The following KANSL1 variants were observed in gnomAD, a reference collection of about 807,000 sequenced individuals.
KANSL1 encodes MLL1/MLL complex subunit KANSL1.
Under a neutral mutation model 103.6 loss-of-function variants are expected in KANSL1, and 22 were observed. That is an observed-to-expected ratio of 0.21 (90% CI 0.15 to 0.30). The LOEUF (loss-of-function observed/expected upper bound fraction) is 0.30. Ranked by LOEUF, KANSL1 falls within the 10% of genes least tolerant of loss-of-function variation. KANSL1 has a pLI of 1.00. For synonymous variants in KANSL1, 600 were observed against 527.6 expected (o/e 1.14, Z -1.88); for missense variants, 1,337 against 1,399.8 (o/e 0.96, Z 0.72).
rs369472164 is a variant in KANSL1, at chr17:46,066,576, C to G, written c.1809G>C (p.Arg603Ser). 10 of 1,613,734 alleles carry G rather than the reference C, an allele frequency of 6.2e-6. No individual in the cohort carries two copies. The highest frequency in any genetic ancestry group is 8.5e-6 in the Non-Finnish European group (10 of 1,179,762). Residue 603 changes from arginine to serine, a missense_variant, in exon 6 of 15, where the codon AGG (arginine) becomes AGC (serine). Around this residue, in one of 2 missense-constraint regions of KANSL1, gnomAD observed 780 missense variants for 923.4 expected, o/e 0.84. Coordinates refer to ENST00000432791, the MANE Select transcript of KANSL1 (RefSeq NM_015443.4). ...TRPVLSCKKR[R>S]LVRPNSIVPL... ...GAACGATGCTGTTGGGTCGAACAAGCCTCCGCTTCTTACAGCTCAGTACAG... is the reference window on the plus strand; with the variant it reads ...GAACGATGCTGTTGGGTCGAACAAGGCTCCGCTTCTTACAGCTCAGTACAG...
rs1218242479 is a variant in KANSL1 at position 46,171,842 on chromosome 17, A to G, written c.302T>C (p.Val101Ala). 1.2e-6 allele frequency: 2 copies of G among 1,614,114 alleles called. No individual in the cohort carries two copies. Among genetic ancestry groups the G allele is most frequent in the Non-Finnish European group, 1.7e-6 (2 of 1,180,002 alleles). ...TTTAAGGACTGTCTGCTTGCTGAAG[A>G]CCCCTTGCAACTTCAAAGACTCCTT... ...PSKESLKLQG[V>A]FSKQTVLKSH... The change falls in exon 2 of 15, where the codon GTC (valine) becomes GCC (alanine). Residue 101 changes from valine to alanine, a missense_variant. Physicochemically the swap from Val to Ala is moderately conservative, Grantham distance 64 (BLOSUM62 0). Coordinates refer to ENST00000432791, the MANE Select transcript of KANSL1 (RefSeq NM_015443.4).
At chr17:46,166,897 T>C (rs1597858925) in intron 2 of KANSL1, among the ~76,000 whole-genome samples, 1 of 152,162 alleles carries the variant, frequency 6.6e-6, no homozygotes, top group African/African-American at 2.4e-5. Flanking sequence ...AAAGAAGGCA[T>C]TGCAGAATAC....
At chr17:46,107,942 T>C (rs1207200846) in intron 2 of KANSL1, among the ~76,000 whole-genome samples, 2 of 152,188 alleles carry the variant, frequency 1.3e-5, no homozygotes, top group East Asian at 1.9e-4. Flanking sequence ...TGTCTTCAAA[T>C]ATATCCAGTA....
At chr17:46,104,989 G>C (rs1184376547) in intron 2 of KANSL1, among the ~76,000 whole-genome samples, 2 of 152,020 alleles carry the variant, frequency 1.3e-5, no homozygotes, top group Non-Finnish European at 2.9e-5. Flanking sequence ...CTAATTTTTT[G>C]TATTTTTAGT....
At chr17:46,100,698 C>T (rs1187175208) in intron 2 of KANSL1, among the ~76,000 whole-genome samples, 2 of 152,206 alleles carry the variant, frequency 1.3e-5, no homozygotes, top group African/African-American at 4.8e-5. Flanking sequence ...ATGTTGACTA[C>T]CAGGCCTAGT....
At chr17:46,224,010 T>C (rs2048608501), upstream of KANSL1, among the ~76,000 whole-genome samples, 1 of 151,630 alleles carries the variant, frequency 6.6e-6, no homozygotes, top group South Asian at 2.1e-4. Context: ...GAAATAAATA[T>C]GTAACACGTA....
intron 2 of KANSL1, among the ~76,000 whole-genome samples, chr17:46,113,647 C>CA (rs1023314070): frequency 2.0e-5 from 3 of 149,164 alleles, no homozygotes; most frequent in East Asian, 2.0e-4. Flanking sequence ...AAAAAAAAAA[C>CA]AAAAAAACCT....
intron 2 of KANSL1, among the ~76,000 whole-genome samples, chr17:46,112,422 C>T (rs897685116): frequency 1.4e-5 from 2 of 147,812 alleles, no homozygotes; most frequent in Admixed American, 6.7e-5. Flanking sequence ...TGGTGGCTCA[C>T]GCTTGTAATC....
At chr17:46,084,697 TAAAAAAAAAAAAA>T (rs67108405) in intron 3 of KANSL1, among the ~76,000 whole-genome samples, 2 of 74,508 alleles carry the variant, frequency 2.7e-5, no homozygotes, top group South Asian at 6.2e-4. Context: ...TTTTAAAAAT[TAAAAAAAAAAAAA>T]AAAAAAAAAA....
intron 7 of KANSL1, chr17:46,045,143 C>T (rs1341792158): frequency 6.6e-6 from 1 of 152,142 alleles, no homozygotes; most frequent in Non-Finnish European, 1.5e-5. Context: ...AGCTGCTAGC[C>T]TTCACTGTTA....
At chr17:46,099,327 AAAAAAAAAAACAAAAC>A (rs1229701575) in intron 2 of KANSL1, among the ~76,000 whole-genome samples, 2 of 151,736 alleles carry the variant, frequency 1.3e-5, no homozygotes, top group East Asian at 1.9e-4. Context: ...CCGTCTCAAA[AAAAAAAAAAACAAAAC>A]AAAAAAAAAA....
intron 2 of KANSL1, among the ~76,000 whole-genome samples, chr17:46,112,637 A>T (rs2042869189): frequency 6.7e-6 from 1 of 150,260 alleles, no homozygotes; most frequent in Admixed American, 6.6e-5. Context: ...GTGAGCCAAG[A>T]TCACACTACT....
chr17:46,051,528 A>G (rs1354718378), intron 6 of KANSL1, among the ~76,000 whole-genome samples: 1 of 152,216 alleles, frequency 6.6e-6, no homozygotes, highest in African/African-American at 2.4e-5. Context: ...GAACATCTAC[A>G]ATTTTATACT....
At chr17:46,137,613 T>C (rs111358098) in intron 2 of KANSL1, among the ~76,000 whole-genome samples, 1 of 152,212 alleles carries the variant, frequency 6.6e-6, no homozygotes, top group Non-Finnish European at 1.5e-5. Flanking sequence ...CGGTAGCTCA[T>C]GCCTGTAATC....
At chr17:46,183,911 CA>C (rs1348878734) in intron 1 of KANSL1, among the ~76,000 whole-genome samples, 2 of 151,874 alleles carry the variant, frequency 1.3e-5, no homozygotes, top group Non-Finnish European at 2.9e-5. Flanking sequence ...AGACTGTCTC[CA>C]AAAAAACAAA....
At chr17:46,129,794 A>G (rs1177898682) in intron 2 of KANSL1, among the ~76,000 whole-genome samples, 2 of 148,984 alleles carry the variant, frequency 1.3e-5, no homozygotes, top group Admixed American at 6.7e-5. Flanking sequence ...GGGAGAGGGT[A>G]GGGGTGGGGG....
intron 2 of KANSL1, among the ~76,000 whole-genome samples, chr17:46,152,074 T>C (rs1425129849): frequency 6.6e-6 from 1 of 152,236 alleles, no homozygotes; most frequent in Non-Finnish European, 1.5e-5. Context: ...ACCATGCAAT[T>C]TGAACACAAC....
At chr17:46,185,656 C>CAT (rs377660109) in intron 1 of KANSL1, among the ~76,000 whole-genome samples, 13,782 of 148,926 alleles carry the variant, frequency 0.093, 29 homozygotes, top group Middle Eastern at 0.17. Context: ...TCCCATTAAA[C>CAT]ATATATATAT....
At position 46,086,348 on chromosome 17, in the gene KANSL1, G is replaced by A. The variant is rs542591376; in HGVS notation, c.1432-3806C>T. ...TTTTATAGACCCACAGAGGATGTAGGTCAAAGCTTATGTCTCTACAGGCCA... is the reference window on the plus strand; with the variant it reads ...TTTTATAGACCCACAGAGGATGTAGATCAAAGCTTATGTCTCTACAGGCCA... On this transcript the variant is annotated intron_variant, in intron 3 of 14. Coordinates refer to ENST00000432791, the MANE Select transcript of KANSL1 (RefSeq NM_015443.4). Among the ~76,000 whole-genome samples the A allele has an allele frequency of 1.4e-4, 22 of 152,286 alleles. No individual in the cohort carries two copies. In the South Asian group the frequency reaches 4.6e-3, roughly 32 times the overall value.
Sources: gnomAD v4.1 joint callset for allele counts (sites outside exome capture counted in the v4.1 genomes callset) on GRCh38, gnomAD v4.1.1 for gene constraint, gnomAD v4.1.1 regional missense constraint, MANE v1.5 for transcripts, NCBI Gene and HGNC (gene_info 2026-07-23, HGNC 2026-07-21) for gene names.